The following RBFOX1 variants were observed in gnomAD, a reference collection of about 807,000 sequenced individuals.
RBFOX1 encodes RNA binding protein fox-1 homolog 1.
RBFOX1 carries 8 observed loss-of-function variants against 57.7 expected under a neutral mutation model. That is an observed-to-expected ratio of 0.14 (90% CI 0.08 to 0.25). The LOEUF is 0.25. Among genes scored for constraint, RBFOX1 ranks in the 10% least tolerant of loss-of-function variants. The pLI is 1.00. For missense variants in RBFOX1, 611 were observed against 548.5 expected (o/e 1.11, Z -1.14); for synonymous variants, 326 against 222.4 (o/e 1.47, Z -4.15).
At chr16:5,899,179 T>C (rs2058245506) in intron 4 of RBFOX1, among the ~76,000 whole-genome samples, 1 of 147,682 alleles carries the variant, frequency 6.8e-6, no homozygotes, top group Non-Finnish European at 1.5e-5. Context: ...GGCTACTGAC[T>C]ATCCACTGTA....
intron 3 of RBFOX1, among the ~76,000 whole-genome samples, chr16:5,669,755 C>T (rs1428465332): frequency 1.3e-5 from 2 of 152,096 alleles, no homozygotes; most frequent in African/African-American, 4.8e-5. Flanking sequence ...AAGGAAAGAG[C>T]ATGATGAAAG....
intron 9 of RBFOX1, among the ~76,000 whole-genome samples, chr16:7,599,710 C>A (rs6500997): frequency 0.91 from 133,866 of 146,318 alleles, 61,534 homozygotes; most frequent in African/African-American, 0.96. Context: ...CAGTGGCATG[C>A]TATTGGCTCA....
intron 3 of RBFOX1, among the ~76,000 whole-genome samples, chr16:6,966,599 A>G (rs1174157547): frequency 1.3e-5 from 2 of 152,084 alleles, no homozygotes; most frequent in African/African-American, 2.4e-5. Context: ...AATAAGGCCA[A>G]TGGACTGGAG....
intron 2 of RBFOX1, among the ~76,000 whole-genome samples, chr16:6,582,344 A>G (rs948786256): frequency 6.6e-6 from 1 of 152,232 alleles, no homozygotes; most frequent in African/African-American, 2.4e-5. Context: ...CCAACATGAT[A>G]AAATATTTAT....
chr16:5,451,484 G>C (rs2068424486), intron 1 of RBFOX1, among the ~76,000 whole-genome samples: 1 of 152,176 alleles, frequency 6.6e-6, no homozygotes, highest in Non-Finnish European at 1.5e-5. Flanking sequence ...ATGATTTGAT[G>C]GGGGAGGTTA....
intron 4 of RBFOX1, among the ~76,000 whole-genome samples, chr16:7,115,366 A>G (rs2065662339): frequency 6.6e-6 from 1 of 152,198 alleles, no homozygotes; most frequent in African/African-American, 2.4e-5. Flanking sequence ...TCCTACCTAC[A>G]TAGAGCTTAT....
At chr16:5,480,408 C>T (rs139723072) in intron 2 of RBFOX1, among the ~76,000 whole-genome samples, 4 of 151,810 alleles carry the variant, frequency 2.6e-5, no homozygotes, top group East Asian at 1.9e-4. Context: ...ACACAATTTA[C>T]AGCTTCCTTT....
intron 4 of RBFOX1, among the ~76,000 whole-genome samples, chr16:7,287,691 C>T (rs985187173): frequency 3.9e-5 from 6 of 152,220 alleles, no homozygotes; most frequent in African/African-American, 1.4e-4. Context: ...CCTCTCAACA[C>T]CACATTTGGG....
intron 3 of RBFOX1, among the ~76,000 whole-genome samples, chr16:7,007,448 G>A (rs762954785): frequency 6.6e-6 from 1 of 152,084 alleles, no homozygotes; most frequent in Non-Finnish European, 1.5e-5. Flanking sequence ...GTATTTTTAG[G>A]TGCATACTTT....
intron 4 of RBFOX1, among the ~76,000 whole-genome samples, chr16:7,360,332 C>G (rs981656990): frequency 1.3e-5 from 2 of 152,138 alleles, no homozygotes; most frequent in South Asian, 2.1e-4. Flanking sequence ...AAAACAGTGA[C>G]TCTGAGAAGA....
At chr16:6,371,744 A>G (rs1229081411) in intron 2 of RBFOX1, among the ~76,000 whole-genome samples, 4 of 152,214 alleles carry the variant, frequency 2.6e-5, no homozygotes, top group Admixed American at 2.0e-4. Flanking sequence ...CTAGGAAAAA[A>G]TACACACATG....
At chr16:6,675,992 C>T (rs947659568) in intron 3 of RBFOX1, among the ~76,000 whole-genome samples, 7 of 151,724 alleles carry the variant, frequency 4.6e-5, no homozygotes, top group Middle Eastern at 3.4e-3. Context: ...ACACCAAGGG[C>T]GATGGGAGAG....
intron 3 of RBFOX1, among the ~76,000 whole-genome samples, chr16:5,725,463 T>C (rs1459167302): frequency 6.6e-6 from 1 of 151,832 alleles, no homozygotes; most frequent in Non-Finnish European, 1.5e-5. Context: ...AGGTCTTTCT[T>C]TGTTTTCCAG....
intron 2 of RBFOX1, among the ~76,000 whole-genome samples, chr16:5,478,249 C>T (rs1345520676): frequency 2.0e-5 from 3 of 151,640 alleles, no homozygotes; most frequent in Middle Eastern, 3.2e-3. Flanking sequence ...TTCTAAAAGC[C>T]GGATGATATT....
At chr16:6,285,997 G>T (rs1432151268) in intron 1 of RBFOX1, among the ~76,000 whole-genome samples, 2 of 152,168 alleles carry the variant, frequency 1.3e-5, no homozygotes, top group Admixed American at 6.6e-5. Flanking sequence ...AGCTAATATT[G>T]TTAGAGCAAA....
At chr16:5,473,273 T>C (rs1322447283) in intron 2 of RBFOX1, among the ~76,000 whole-genome samples, 1 of 151,754 alleles carries the variant, frequency 6.6e-6, no homozygotes, top group East Asian at 1.9e-4. Flanking sequence ...TGGCATATAA[T>C]GAACATCTGA....
intron 1 of RBFOX1, among the ~76,000 whole-genome samples, chr16:6,029,846 C>T (rs2095263380): frequency 1.3e-5 from 2 of 150,768 alleles, no homozygotes; most frequent in African/African-American, 4.9e-5. Context: ...CCAAGAACTT[C>T]TGGTAAGAAC....
At chr16:6,372,571 G>T (rs917151930) in intron 2 of RBFOX1, among the ~76,000 whole-genome samples, 2 of 150,836 alleles carry the variant, frequency 1.3e-5, no homozygotes, top group Non-Finnish European at 3.0e-5. Flanking sequence ...ATGGAGATTG[G>T]GTGGAAGAGT....
Position 7,711,707 on chromosome 16 carries a change from G to GAAAC in RBFOX1, c.*964_*967dup, listed in dbSNP as rs2084028435. The GAAAC allele has an allele frequency of 6.6e-6, 1 of 152,530 alleles. No homozygotes were observed. The allele number at this position is 152,530 out of a possible 1,614,324, so 9.4% of individuals were successfully genotyped here. ...TGTGCAGTGGAGTTGTTAAGTTCTA[G>GAAAC]AAACAGTCTATGAAGCTTTAGTTTT... On this transcript the variant is annotated 3_prime_UTR_variant, in exon 16 of 16. Transcript: ENST00000550418.
Sources: gnomAD v4.1 joint callset for allele counts (sites outside exome capture counted in the v4.1 genomes callset) on GRCh38, gnomAD v4.1.1 for gene constraint, MANE v1.5 for transcripts, NCBI Gene and HGNC (gene_info 2026-07-23, HGNC 2026-07-21) for gene names.